Variants in SNX13 observed in about 807,000 individuals in gnomAD.
SNX13 encodes the protein sorting nexin 13.
In SNX13, 45 loss-of-function variants were observed where a neutral mutation model predicts 133.6. The ratio of observed to expected loss-of-function variants is 0.34; its 90% CI spans 0.27 to 0.43. The LOEUF is 0.43. Among genes scored for constraint, SNX13 ranks in the 20% least tolerant of loss-of-function variants. The pLI is 1.00. For synonymous variants in SNX13, 414 were observed against 373.9 expected, an observed-to-expected ratio of 1.11 and a Z score of -1.24; for missense variants, 1,032 against 1,145.1, an observed-to-expected ratio of 0.90 and a Z score of 1.43.
At chr7:17,851,066 ACT>A in intron 9 of SNX13, 102 bp from the exon 10 acceptor site, 1 of 1,206,148 alleles carries the variant, frequency 8.3e-7, no homozygotes, top group Non-Finnish European at 1.1e-6. Context: ...TTTGCTACAT[ACT>A]CAGTGCTTAC....
rs529023795 is a variant in SNX13, at chr7:17,796,601, G to C, written c.2626+226C>G. 6 of 430,928 alleles carry C rather than the reference G, an allele frequency of 1.4e-5. No individual in the cohort carries two copies. In the Admixed American group the frequency reaches 1.8e-4, roughly 13 times the overall value. 26.7% of individuals were successfully genotyped at this position (430,928 alleles called of 1,614,324 possible). ...GGTTATTTAACCTCTCTGAGCTTCC[G>C]TTTCCTCACATATAAAGCGGTGATG... On this transcript the variant is annotated intron_variant, in intron 25 of 25. Coordinates refer to ENST00000428135, the MANE Select transcript of SNX13 (RefSeq NM_015132.5).
rs538523413 is a variant in SNX13 at position 17,832,212 on chromosome 7, A to T, written c.1597+1840T>A. Reference sequence around the variant, plus strand: ...TTTAATGTACTTCGTGTTTTAAAAAAGTACAGTGTATGATTTTAGGAAGTT... The same window carrying T: ...TTTAATGTACTTCGTGTTTTAAAAATGTACAGTGTATGATTTTAGGAAGTT... On this transcript the variant is annotated intron_variant, in intron 15 of 25. Coordinates refer to ENST00000428135, the MANE Select transcript of SNX13 (RefSeq NM_015132.5). The T allele has an allele frequency of 7.1e-6, 7 of 984,582 alleles. No homozygotes were observed. The African/African-American group carries it at 1.2e-4, about 17-fold the overall frequency. 61.0% of individuals were successfully genotyped at this position (984,582 alleles called of 1,614,324 possible). A position where few individuals can be genotyped will look rare whatever the true frequency, so the allele number is the denominator to read the frequency against.
chr7:17,794,205 C>G lies in SNX13; in HGVS notation c.2714G>C (p.Arg905Thr), dbSNP rs935445585. The change falls in exon 26 of 26, where the codon AGG becomes ACG. Residue 905 changes from arginine to threonine, a missense_variant. By Grantham distance (71) the Arg-to-Thr change is moderately conservative. Transcript: ENST00000428135. ...TTCCAAGAAGACATAAACCATTCTC[C>G]TATTTAATTGGTTGTGCTGAAACAT... ...FEMFQHNQLN[R>T]RMVYVFLEGF... is the part of the protein sequence containing the mutation. 1 of 1,611,524 alleles carries G rather than the reference C, an allele frequency of 6.2e-7. No homozygotes were observed. The highest frequency in any genetic ancestry group is 1.7e-5 in the Admixed American group (1 of 59,692).
intron 11 of SNX13, among the ~76,000 whole-genome samples, chr7:17,846,984 T>A (rs758038691): frequency 1.3e-5 from 2 of 151,046 alleles, no homozygotes; most frequent in Admixed American, 1.3e-4. Flanking sequence ...TCTGAGCTCA[T>A]TAAAAAATAA....
intron 10 of SNX13, 104 bp downstream of exon 10, chr7:17,850,722 G>A: frequency 2.1e-6 from 2 of 940,728 alleles, no homozygotes; most frequent in Non-Finnish European, 3.0e-6. Flanking sequence ...TAATTAAGGT[G>A]AAAACATTAA....
intron 15 of SNX13, 22 bp from the exon 16 acceptor site, chr7:17,830,069 T>C: frequency 6.6e-7 from 1 of 1,515,196 alleles, no homozygotes; most frequent in Non-Finnish European, 8.9e-7. Context: ...AAATTCAACT[T>C]AGTATACAGC....
chr7:17,936,023 C>G (rs919934218), intron 1 of SNX13, among the ~76,000 whole-genome samples: 5 of 152,114 alleles, frequency 3.3e-5, no homozygotes, highest in African/African-American at 1.2e-4. Flanking sequence ...CAAAAGGACC[C>G]CTGGATGTTC....
chr7:17,862,068 A>T (rs1287291052), intron 9 of SNX13, among the ~76,000 whole-genome samples: 5 of 152,178 alleles, frequency 3.3e-5, no homozygotes, highest in Admixed American at 3.3e-4. Flanking sequence ...GGCTAAGCCC[A>T]CTCCAAAATG....
chr7:17,837,035 T>A (rs552757668), intron 13 of SNX13, among the ~76,000 whole-genome samples: 2 of 151,990 alleles, frequency 1.3e-5, no homozygotes, highest in Non-Finnish European at 2.9e-5. Context: ...TAATCAAACA[T>A]AAAAATTCAC....
intron 11 of SNX13, among the ~76,000 whole-genome samples, chr7:17,847,443 T>C (rs1053986511): frequency 1.3e-5 from 2 of 152,198 alleles, no homozygotes; most frequent in South Asian, 2.1e-4. Flanking sequence ...GTGATTCTCC[T>C]GCCTCAGTCT....
At chr7:17,838,863 T>C (rs567098239) in intron 13 of SNX13, among the ~76,000 whole-genome samples, 23 of 151,828 alleles carry the variant, frequency 1.5e-4, no homozygotes, top group East Asian at 7.7e-4. Context: ...AAATGATTTA[T>C]CTTGGAGAAT....
chr7:17,869,830 A>C (rs1157909214), intron 8 of SNX13, among the ~76,000 whole-genome samples: 2 of 152,082 alleles, frequency 1.3e-5, no homozygotes, highest in Admixed American at 6.6e-5. Flanking sequence ...CCACATGTTC[A>C]AATTTTAAAA....
At chr7:17,854,904 G>C (rs996311179) in intron 9 of SNX13, among the ~76,000 whole-genome samples, 2 of 152,098 alleles carry the variant, frequency 1.3e-5, no homozygotes, top group Non-Finnish European at 2.9e-5. Flanking sequence ...ACTAAGCTTA[G>C]CCAGGAAAAT....
chr7:17,887,604 T>A (rs1796154532), intron 5 of SNX13, among the ~76,000 whole-genome samples: 2 of 152,358 alleles, frequency 1.3e-5, no homozygotes, highest in Admixed American at 6.5e-5. Flanking sequence ...AAAAAATGTA[T>A]GTGTTTTGTC....
In SNX13 at chr7:17,938,326, T is replaced by C. The variant is rs551985846; in HGVS notation, c.12+1958A>G. 3.7e-3 allele frequency among the ~76,000 whole-genome samples: 560 copies of C among 152,318 alleles called. 5 individuals carry two copies. Among genetic ancestry groups the C allele is most frequent in the African/African-American group, 0.013 (535 of 41,574 alleles). On this transcript the variant is annotated intron_variant, in intron 1 of 25. Coordinates refer to ENST00000428135, the MANE Select transcript of SNX13 (RefSeq NM_015132.5). ...GCTGAGCAAAACGGTCAGAGCTCTC[T>C]ACTGAGAGTTAGGAGATGAGATTCC... is the stretch of plus-strand genomic sequence containing the variant.
In SNX13 at chr7:17,868,446, G is replaced by A; in HGVS notation, c.798C>T (p.Leu266=). The change falls in exon 9 of 26, where the codon CTC becomes CTT. Residue 266 remains leucine, a synonymous_variant. Coordinates refer to ENST00000428135, the MANE Select transcript of SNX13 (RefSeq NM_015132.5). ...ACTGATTAATATAATCAGGATCACTGAGTTGATTTATTAATGGAAGAAGAA... is the reference window on the plus strand; with the variant it reads ...ACTGATTAATATAATCAGGATCACTAAGTTGATTTATTAATGGAAGAAGAA... ...RGILLPLINQ[L]SDPDYINQYV... is the part of the protein sequence containing the mutation. 1 of 1,609,930 alleles carries A rather than the reference G, an allele frequency of 6.2e-7. No individual in the cohort carries two copies. The highest frequency in any genetic ancestry group is 8.5e-7 in the Non-Finnish European group (1 of 1,178,072).
chr7:17,864,834 A>T (rs887908676), intron 9 of SNX13, among the ~76,000 whole-genome samples: 7 of 151,740 alleles, frequency 4.6e-5, no homozygotes, highest in Non-Finnish European at 8.8e-5. Flanking sequence ...GAGGAAGAGG[A>T]GGAGGAGGAG....
chr7:17,893,492 A>T (rs755440248), intron 2 of SNX13, 58 bp from the exon 3 acceptor site: 339 of 1,042,538 alleles, frequency 3.3e-4, no homozygotes, highest in Non-Finnish European at 4.5e-4. Context: ...AATTTAATGA[A>T]TCTACTACCA....
intron 16 of SNX13, among the ~76,000 whole-genome samples, chr7:17,829,746 ATTT>A (rs1188161256): frequency 6.6e-6 from 1 of 151,332 alleles, no homozygotes; most frequent in Non-Finnish European, 1.5e-5. Flanking sequence ...AATGAAATCA[ATTT>A]ATTTATAAAA....
Sources: allele counts gnomAD v4.1 joint callset (sites outside exome capture counted in the v4.1 genomes callset), GRCh38; gene constraint gnomAD v4.1.1; transcripts MANE v1.5; gene names NCBI Gene and HGNC (gene_info 2026-07-23, HGNC 2026-07-21).